CSTPP1: variants seen among roughly 807,000 people sequenced by gnomAD.
CSTPP1 encodes centriolar satellite-associated tubulin polyglutamylase complex regulator 1, also known as UPF0705 protein C11orf49.
chr11:47,045,931 C>CA, the CSTPP1 span, among the ~76,000 whole-genome samples: 1 of 151,992 alleles, frequency 6.6e-6, no homozygotes, highest in South Asian at 2.1e-4. Context: ...GGATTACAGG[C>CA]ACCTGCCACC....
chr11:47,135,211 A>C, the CSTPP1 span, among the ~76,000 whole-genome samples: 1 of 152,118 alleles, frequency 6.6e-6, no homozygotes. Flanking sequence ...AACAGAACCA[A>C]AACAAACTCC....
At chr11:47,061,209 A>T in the CSTPP1 span, among the ~76,000 whole-genome samples, 1 of 152,158 alleles carries the variant, frequency 6.6e-6, no homozygotes, top group Non-Finnish European at 1.5e-5. Context: ...AGTGACTGGG[A>T]CAGACAGAAA....
At chr11:47,028,709 C>G in the CSTPP1 span, among the ~76,000 whole-genome samples, 1 of 152,198 alleles carries the variant, frequency 6.6e-6, no homozygotes, top group Non-Finnish European at 1.5e-5. Context: ...AATTCTATAG[C>G]TGATAGGCAA....
chr11:47,097,121 G>A, the CSTPP1 span, among the ~76,000 whole-genome samples: 7,345 of 125,410 alleles, frequency 0.059, 361 homozygotes, highest in East Asian at 0.36. Context: ...CCCCCCGCCT[G>A]GCCAGCCGCC....
the CSTPP1 span, among the ~76,000 whole-genome samples, chr11:47,136,875 ATAACTT>A: frequency 2.0e-5 from 3 of 152,218 alleles, no homozygotes; most frequent in Non-Finnish European, 4.4e-5. Context: ...CAGCAACAAA[ATAACTT>A]AAGCATCAGT....
At chr11:47,096,484 G>A in the CSTPP1 span, among the ~76,000 whole-genome samples, 12 of 152,238 alleles carry the variant, frequency 7.9e-5, no homozygotes, top group African/African-American at 2.7e-4. Flanking sequence ...CTTGCCTGGA[G>A]GCATGGGTCG....
chr11:47,049,558 T>G, the CSTPP1 span, among the ~76,000 whole-genome samples: 3 of 151,966 alleles, frequency 2.0e-5, no homozygotes, highest in African/African-American at 7.2e-5. Context: ...GGATCAGTGC[T>G]TGAGCCTGGA....
chr11:47,014,560 A>G, the CSTPP1 span, among the ~76,000 whole-genome samples: 4 of 151,864 alleles, frequency 2.6e-5, no homozygotes, highest in African/African-American at 9.7e-5. Context: ...AAAATTAGCC[A>G]GGCGTGGTGG....
the CSTPP1 span, among the ~76,000 whole-genome samples, chr11:47,092,176 T>C: frequency 1.3e-5 from 2 of 152,148 alleles, no homozygotes; most frequent in African/African-American, 4.8e-5. Flanking sequence ...TCAGATAAAG[T>C]CTAAAAAAGA....
chr11:47,026,771 G>T, the CSTPP1 span, among the ~76,000 whole-genome samples: 1 of 152,078 alleles, frequency 6.6e-6, no homozygotes, highest in Admixed American at 6.5e-5. Flanking sequence ...CCAGCTACTC[G>T]GGTGGCTGAG....
the CSTPP1 span, among the ~76,000 whole-genome samples, chr11:47,031,696 C>CT: frequency 2.0e-3 from 266 of 136,062 alleles, 1 homozygote; most frequent in Admixed American, 4.8e-3. Context: ...AACCCCATCT[C>CT]TTTTTTTTTT....
At chr11:47,121,194 A>C in the CSTPP1 span, among the ~76,000 whole-genome samples, 1 of 152,180 alleles carries the variant, frequency 6.6e-6, no homozygotes, top group African/African-American at 2.4e-5. Context: ...CTGTTAGGTC[A>C]TGTAGTTAAT....
the CSTPP1 span, among the ~76,000 whole-genome samples, chr11:47,122,069 C>CAAAAAAAAAAAA: frequency 1.7e-3 from 37 of 21,978 alleles, 2 homozygotes; most frequent in Non-Finnish European, 2.3e-3. Flanking sequence ...GACCCTGTCT[C>CAAAAAAAAAAAA]AAAAAAAAAA....
chr11:47,057,764 G>A, the CSTPP1 span, among the ~76,000 whole-genome samples: 1 of 152,104 alleles, frequency 6.6e-6, no homozygotes, highest in African/African-American at 2.4e-5. Flanking sequence ...ATATGTGTGG[G>A]CTGGAAAAAG....
chr11:46,958,847 T>A, the CSTPP1 span, among the ~76,000 whole-genome samples: 1 of 152,198 alleles, frequency 6.6e-6, no homozygotes, highest in African/African-American at 2.4e-5. Context: ...CAGGGCAAGA[T>A]GAGAGGGAGA....
At chr11:47,071,885 TG>T in the CSTPP1 span, among the ~76,000 whole-genome samples, 4 of 152,248 alleles carry the variant, frequency 2.6e-5, no homozygotes, top group Admixed American at 6.5e-5. Flanking sequence ...ATAATAAACA[TG>T]CTGTGACTTG....
chr11:46,942,992 G>C, the CSTPP1 span, among the ~76,000 whole-genome samples: 50 of 152,108 alleles, frequency 3.3e-4, no homozygotes, highest in Non-Finnish European at 6.3e-4. Context: ...TAAGGATGAG[G>C]CTCTTGCAAA....
At chr11:47,019,030 G>A in the CSTPP1 span, among the ~76,000 whole-genome samples, 3,352 of 150,318 alleles carry the variant, frequency 0.022, 72 homozygotes, top group South Asian at 0.12. Context: ...TTTTTGAGAC[G>A]GAGTTTTGCT....
At chr11:47,075,789 G>C in the CSTPP1 span, among the ~76,000 whole-genome samples, 1 of 151,934 alleles carries the variant, frequency 6.6e-6, no homozygotes, top group African/African-American at 2.4e-5. Context: ...ATGATGGCAG[G>C]TGCCTGTAAT....
Sources: gnomAD v4.1 joint callset for allele counts (sites outside exome capture counted in the v4.1 genomes callset) on GRCh38, gnomAD v4.1.1 for gene constraint, MANE v1.5 for transcripts, NCBI Gene and HGNC (gene_info 2026-07-23, HGNC 2026-07-21) for gene names.